NECTIN1: variants seen among roughly 807,000 people sequenced by gnomAD.
NECTIN1 encodes the protein nectin cell adhesion molecule 1.
A neutral mutation model predicts 48.0 loss-of-function variants in NECTIN1; 23 were observed. That is an observed-to-expected ratio of 0.48 (90% CI 0.34 to 0.68). The LOEUF is 0.68. NECTIN1 is among the 30% of genes least tolerant of loss of function. The pLI is 0.01. For synonymous variants in NECTIN1, 270 were observed against 288.9 expected (o/e 0.93, Z 0.66); for missense variants, 591 against 709.9 (o/e 0.83, Z 1.90).
At chr11:119,705,763 G>A (rs766539557) in intron 1 of NECTIN1, among the ~76,000 whole-genome samples, 4 of 152,230 alleles carry the variant, frequency 2.6e-5, no homozygotes, top group Non-Finnish European at 5.9e-5. Flanking sequence ...ACTGGTGGAG[G>A]CGACTGCAAT....
intron 5 of NECTIN1, chr11:119,641,422 A>G (rs1379641700): frequency 1.3e-5 from 2 of 152,242 alleles, no homozygotes; most frequent in Non-Finnish European, 2.9e-5. Flanking sequence ...GGCCTTTATC[A>G]AAGCGTTAAG....
rs1187714315 is a variant in NECTIN1 at position 119,663,096 on chromosome 11, G to C, written c.*1651C>G. Reference sequence around the variant, plus strand: ...GTCAGTGCCCGTGGGGCACAGAGTGGTCTGCCTCCCTCCTCCCCAACACTT... The same window carrying C: ...GTCAGTGCCCGTGGGGCACAGAGTGCTCTGCCTCCCTCCTCCCCAACACTT... On this transcript the variant is annotated 3_prime_UTR_variant, in exon 6 of 6. Transcript: ENST00000264025. 1.0e-6 allele frequency: 1 copy of C among 985,384 alleles called. No homozygotes were observed. Among genetic ancestry groups the C allele is most frequent in the Admixed American group, 6.1e-5 (1 of 16,266 alleles). The allele number at this position is 985,384 out of a possible 1,614,324, so 61.0% of individuals were successfully genotyped here.
intron 1 of NECTIN1, among the ~76,000 whole-genome samples, chr11:119,699,092 G>T (rs7945424): frequency 0.61 from 92,346 of 152,010 alleles, 28,374 homozygotes; most frequent in South Asian, 0.66. Flanking sequence ...TGTTTTTCAG[G>T]TAGGGGCCCA....
Position 119,662,109 on chromosome 11 carries a change from G to C in NECTIN1, c.*2638C>G. ...GCAACAAGAGGCAGGATGACAACTG[G>C]GGAGGCCTTGGCACAATTCATACCA... On this transcript the variant is annotated 3_prime_UTR_variant, in exon 6 of 6. Coordinates refer to ENST00000264025, the MANE Select transcript of NECTIN1 (RefSeq NM_002855.5). The surrounding 1 kb of genome is among the most constrained non-coding windows in gnomAD (Gnocchi z 5.3). The C allele has an allele frequency of 4.1e-6, 4 of 985,518 alleles. No homozygotes were observed. The highest frequency in any genetic ancestry group is 4.8e-6 in the Non-Finnish European group (4 of 829,952). 61.0% of individuals were successfully genotyped at this position (985,518 alleles called of 1,614,324 possible).
At chr11:119,675,432 T>C in intron 4 of NECTIN1, 122 bp from the exon 5 acceptor site, 1 of 889,558 alleles carries the variant, frequency 1.1e-6, no homozygotes, top group South Asian at 1.5e-5. Flanking sequence ...GTAGAGTCTG[T>C]CTTTGAAGGA....
Position 119,665,956 on chromosome 11 carries a change from G to A in NECTIN1, c.1004-659C>T, listed in dbSNP as rs1043429864. ...AGGGAAAACAGGTTCCCAGGCACTG[G>A]CTCAGGAGATGCCCCGTGAGTGCCA... is the stretch of plus-strand genomic sequence containing the variant. On this transcript the variant is annotated intron_variant, in intron 5 of 5. Transcript: ENST00000264025. This position sits in a 1 kb window ranked among gnomAD's most constrained non-coding sequence, Gnocchi z 5.1. Among the ~76,000 whole-genome samples, 1 of 152,150 alleles carries A rather than the reference G, an allele frequency of 6.6e-6. No individual in the cohort carries two copies. Among genetic ancestry groups the A allele is most frequent in the African/African-American group, 2.4e-5 (1 of 41,438 alleles).
chr11:119,728,217 T>C (rs990056244), intron 1 of NECTIN1, among the ~76,000 whole-genome samples: 1 of 152,254 alleles, frequency 6.6e-6, no homozygotes, highest in African/African-American at 2.4e-5. Context: ...CATATTATTA[T>C]TTTTTGTAAA....
chr11:119,656,841 C>T (rs554440160), downstream of NECTIN1, among the ~76,000 whole-genome samples: 1 of 152,338 alleles, frequency 6.6e-6, no homozygotes, highest in Admixed American at 6.5e-5. Flanking sequence ...TCATGAAGCA[C>T]ATTCACTTCT....
chr11:119,692,262 G>A (rs1176728102), intron 1 of NECTIN1, among the ~76,000 whole-genome samples: 1 of 152,268 alleles, frequency 6.6e-6, no homozygotes, highest in East Asian at 1.9e-4. Flanking sequence ...GGAGGAACCA[G>A]CACGTAGGCT....
intron 1 of NECTIN1, among the ~76,000 whole-genome samples, chr11:119,690,813 G>C (rs1490845914): frequency 6.6e-6 from 1 of 152,094 alleles, no homozygotes; most frequent in Non-Finnish European, 1.5e-5. Flanking sequence ...GGGGGAACTC[G>C]GGGACAGGGG....
chr11:119,660,678 C>T (rs907327126), downstream of NECTIN1, among the ~76,000 whole-genome samples: 2 of 152,138 alleles, frequency 1.3e-5, no homozygotes, highest in South Asian at 4.1e-4. Context: ...AGGGCTTTCC[C>T]TCTCTGCTGT....
At chr11:119,660,353 G>GGAACAAGAAGACCTTCTCTCC (rs1864640156), downstream of NECTIN1, among the ~76,000 whole-genome samples, 1 of 151,998 alleles carries the variant, frequency 6.6e-6, no homozygotes, top group Non-Finnish European at 1.5e-5. Context: ...AGGTAACCGA[G>GGAACAAGAAGACCTTCTCTCC]GAACAAGAAG....
chr11:119,701,479 G>C (rs1405515524), intron 1 of NECTIN1, among the ~76,000 whole-genome samples: 1 of 151,998 alleles, frequency 6.6e-6, no homozygotes, highest in Non-Finnish European at 1.5e-5. Flanking sequence ...TGCATTGTGG[G>C]GGCCCTCTCA....
In NECTIN1 at chr11:119,664,981, C is replaced by T. The variant is rs1438861119; in HGVS notation, c.1320G>A (p.Glu440=). The change falls in exon 6 of 6, where the codon GAG becomes GAA. Residue 440 remains glutamate (E), a synonymous_variant. Coordinates refer to ENST00000264025, the MANE Select transcript of NECTIN1 (RefSeq NM_002855.5). ...PLGGSSYEEE[E]EEEEGGGGGE... ...CCCCTCCACCGCCCTCCTCCTCCTC[C>T]TCCTCCTCCTCATAGCTGCTTCCAC... 3 of 1,613,744 alleles carry T rather than the reference C, an allele frequency of 1.9e-6. No homozygotes were observed. The highest frequency in any genetic ancestry group is 2.5e-6 in the Non-Finnish European group (3 of 1,179,822).
At chr11:119,652,374 C>G (rs1425480546) in intron 5 of NECTIN1, among the ~76,000 whole-genome samples, 1 of 152,088 alleles carries the variant, frequency 6.6e-6, no homozygotes, top group Non-Finnish European at 1.5e-5. Flanking sequence ...CCTCCTCTGA[C>G]TCCACCCATC....
At chr11:119,711,524 A>AT (rs1229010237) in intron 1 of NECTIN1, among the ~76,000 whole-genome samples, 2 of 152,214 alleles carry the variant, frequency 1.3e-5, no homozygotes, top group African/African-American at 4.8e-5. Flanking sequence ...GCCTGCAGAG[A>AT]TTTTAAGGCT....
At chr11:119,680,674 T>C (rs1200126442) in intron 1 of NECTIN1, among the ~76,000 whole-genome samples, 1 of 152,234 alleles carries the variant, frequency 6.6e-6, no homozygotes, top group Non-Finnish European at 1.5e-5. Flanking sequence ...TAAGTCTATC[T>C]TTGGCTTCAC....
rs996914163 is a variant in NECTIN1, at chr11:119,664,031, C to A, written c.*716G>T. Reference sequence around the variant, plus strand: ...CACCTGGAGCCCCTAATGGAGGGGGCACATTGGGGATAAAGAGGGGACGCG... The same window carrying A: ...CACCTGGAGCCCCTAATGGAGGGGGAACATTGGGGATAAAGAGGGGACGCG... On this transcript the variant is annotated 3_prime_UTR_variant, in exon 6 of 6. Transcript: ENST00000264025. 1 of 985,580 alleles carries A rather than the reference C, an allele frequency of 1.0e-6. No individual in the cohort carries two copies. Among genetic ancestry groups the A allele is most frequent in the East Asian group, 1.1e-4 (1 of 8,820 alleles). 61.1% of individuals were successfully genotyped at this position (985,580 alleles called of 1,614,324 possible).
At chr11:119,700,635 C>A (rs561865319) in intron 1 of NECTIN1, among the ~76,000 whole-genome samples, 1 of 152,148 alleles carries the variant, frequency 6.6e-6, no homozygotes, top group South Asian at 2.1e-4. Flanking sequence ...TTCCCAGGGT[C>A]CTGTAGCTCA....
Sources: gnomAD v4.1 joint callset for allele counts (sites outside exome capture counted in the v4.1 genomes callset) on GRCh38, gnomAD v4.1.1 for gene constraint, Gnocchi (gnomAD v3.1) non-coding constraint, MANE v1.5 for transcripts, NCBI Gene and HGNC (gene_info 2026-07-23, HGNC 2026-07-21) for gene names.